Variants in ZNF479 observed in about 807,000 individuals in gnomAD.
The protein encoded by ZNF479 is zinc finger protein 479.
ZNF479 carries 15 observed loss-of-function variants against 14.7 expected under a neutral mutation model. That is an observed-to-expected ratio of 1.02 (90% CI 0.68 to 1.57). ZNF479 has a LOEUF of 1.57. Ranked by LOEUF, ZNF479 falls within the 40% of genes most tolerant of loss-of-function variation. The pLI is 0.00. For missense variants in ZNF479, 506 were observed against 615.1 expected, an observed-to-expected ratio of 0.82 and a Z score of 1.88; for synonymous variants, 145 against 211.5, an observed-to-expected ratio of 0.69 and a Z score of 2.73.
rs562260998 is a variant in ZNF479 at position 57,118,183 on chromosome 7, A to G, written c.*1657T>C. On this transcript the variant is annotated 3_prime_UTR_variant, in exon 4 of 4. Coordinates refer to ENST00000319636, the MANE Select transcript of ZNF479 (RefSeq NM_001370129.2). ...CTTTCTCTCCAATATAAATTCTCTAATGTTCAACAAAGTTTGAGCATCTTC... is the reference window on the plus strand; with the variant it reads ...CTTTCTCTCCAATATAAATTCTCTAGTGTTCAACAAAGTTTGAGCATCTTC... Among the ~76,000 whole-genome samples, 1 of 152,400 alleles carries G rather than the reference A, an allele frequency of 6.6e-6. No individual in the cohort carries two copies. The highest frequency in any genetic ancestry group is 2.4e-5 in the African/African-American group (1 of 41,600).
chr7:57,127,436 C>T (rs1039936110), intron 1 of ZNF479: 4 of 497,632 alleles, frequency 8.0e-6, no homozygotes, highest in Non-Finnish European at 1.0e-5. Context: ...TTAGTATGTG[C>T]AATAAACTAA....
At chr7:57,139,262 G>C (rs1786777929) in intron 1 of ZNF479, among the ~76,000 whole-genome samples, 1 of 152,114 alleles carries the variant, frequency 6.6e-6, no homozygotes, top group African/African-American at 2.4e-5. Flanking sequence ...GTCAAAGTTG[G>C]AATTATGACT....
chr7:57,123,695 T>C (rs1202314968), intron 3 of ZNF479, among the ~76,000 whole-genome samples: 5 of 151,950 alleles, frequency 3.3e-5, no homozygotes, highest in Admixed American at 2.6e-4. Flanking sequence ...TAGCTGAGCA[T>C]TGTGGGGTAT....
chr7:57,131,517 C>T (rs934761019), intron 1 of ZNF479, among the ~76,000 whole-genome samples: 2 of 148,990 alleles, frequency 1.3e-5, no homozygotes, highest in Non-Finnish European at 3.0e-5. Flanking sequence ...GAGGTGAGAT[C>T]GCACCACTGC....
chr7:57,126,867 T>C (rs1272523024), intron 1 of ZNF479, 149 bp from the exon 2 acceptor site: 1 of 670,126 alleles, frequency 1.5e-6, no homozygotes, highest in African/African-American at 1.8e-5. Context: ...TTCAATAAGA[T>C]AATTTTTAAC....
At chr7:57,127,755 CTA>C (rs1385854052) in intron 1 of ZNF479, among the ~76,000 whole-genome samples, 1 of 151,946 alleles carries the variant, frequency 6.6e-6, no homozygotes, top group Non-Finnish European at 1.5e-5. Flanking sequence ...AGAATTAACT[CTA>C]GAGTGGAAAA....
At chr7:57,132,199 A>G (rs3889851) in intron 1 of ZNF479, 87 bp downstream of exon 1, 547,968 of 1,610,890 alleles carry the variant, frequency 0.34, 95,821 homozygotes, top group East Asian at 0.51. Context: ...AACTGACTGC[A>G]AGAAAGTCTG....
chr7:57,121,374 G>A (rs1336142587), intron 3 of ZNF479, among the ~76,000 whole-genome samples: 1 of 152,180 alleles, frequency 6.6e-6, no homozygotes, highest in Non-Finnish European at 1.5e-5. Flanking sequence ...CACCATGTGA[G>A]CATGATGTCC....
At chr7:57,122,887 T>C (rs1401582630) in intron 3 of ZNF479, among the ~76,000 whole-genome samples, 1 of 151,668 alleles carries the variant, frequency 6.6e-6, no homozygotes, top group Non-Finnish European at 1.5e-5. Flanking sequence ...TCAAAACATA[T>C]AAAGCAAATA....
At chr7:57,138,628 G>T (rs1786750829) in intron 1 of ZNF479, among the ~76,000 whole-genome samples, 1 of 152,124 alleles carries the variant, frequency 6.6e-6, no homozygotes, top group Non-Finnish European at 1.5e-5. Flanking sequence ...GCTGGGCTTA[G>T]GCCAAAAAAT....
chr7:57,131,367 T>G (rs1224426356), intron 1 of ZNF479, among the ~76,000 whole-genome samples: 1 of 151,858 alleles, frequency 6.6e-6, no homozygotes, highest in African/African-American at 2.4e-5. Context: ...GTTGGAGACC[T>G]ACCTGGCCAA....
chr7:57,131,787 A>C lies in ZNF479; in HGVS notation c.39+499T>G, dbSNP rs368645234. Among the ~76,000 whole-genome samples the C allele has an allele frequency of 1.7e-4, 26 of 152,244 alleles. No homozygotes were observed. The South Asian group carries it at 5.2e-3, about 30-fold the overall frequency. ...TGCAACTTATAACAGACTTTTCTTC[A>C]AGTCTCTCCCATGGATCACAACCCA... On this transcript the variant is annotated intron_variant, in intron 1 of 3. Transcript: ENST00000319636.
chr7:57,126,157 C>T (rs776313168), intron 2 of ZNF479, 44 bp from the exon 3 acceptor site: 2 of 1,529,916 alleles, frequency 1.3e-6, no homozygotes, highest in Non-Finnish European at 1.8e-6. Flanking sequence ...ATGCTGAATT[C>T]TTTAATTACC....
chr7:57,129,282 T>C (rs545481049), intron 1 of ZNF479, among the ~76,000 whole-genome samples: 1 of 152,126 alleles, frequency 6.6e-6, no homozygotes, highest in Non-Finnish European at 1.5e-5. Flanking sequence ...CCCCTCAAGT[T>C]TATAAATCAC....
At position 57,119,683 on chromosome 7, in the gene ZNF479, T is replaced by C. The variant is rs1554399685; in HGVS notation, c.*157A>G. On this transcript the variant is annotated 3_prime_UTR_variant, in exon 4 of 4. Coordinates refer to ENST00000319636, the MANE Select transcript of ZNF479 (RefSeq NM_001370129.2). ...TGGTTAAAGGCTTTGTTACATTTTT[T>C]TACATTTATAAAATTTCTGTCCAAT... 3 of 739,260 alleles carry C rather than the reference T, an allele frequency of 4.1e-6. No homozygotes were observed. The highest frequency in any genetic ancestry group is 1.8e-5 in the African/African-American group (1 of 56,062). 45.8% of individuals were successfully genotyped at this position (739,260 alleles called of 1,614,324 possible).
At position 57,131,631 on chromosome 7, in the gene ZNF479, T is replaced by TC. The variant is rs1240036315; in HGVS notation, c.39+654_39+655insG. 3.3e-4 allele frequency among the ~76,000 whole-genome samples: 44 copies of TC among 134,322 alleles called. 1 individual carries two copies. Among genetic ancestry groups the TC allele is most frequent in the African/African-American group, 1.0e-3 (40 of 38,794 alleles). The allele number at this position is 134,322 out of a possible 152,430, so 88.1% of individuals were successfully genotyped here. On this transcript the variant is annotated intron_variant, in intron 1 of 3. Coordinates refer to ENST00000319636, the MANE Select transcript of ZNF479 (RefSeq NM_001370129.2). ...GTAAATTACTATCTTGAAGAAAATA[T>TC]TTGGCCTAGGCAACCACAGACTGCC...
At position 57,118,913 on chromosome 7, in the gene ZNF479, T is replaced by C. The variant is rs1554399475; in HGVS notation, c.*927A>G. Among the ~76,000 whole-genome samples, 3 of 152,224 alleles carry C rather than the reference T, an allele frequency of 2.0e-5. No individual in the cohort carries two copies. Among genetic ancestry groups the C allele is most frequent in the African/African-American group, 7.2e-5 (3 of 41,474 alleles). On this transcript the variant is annotated 3_prime_UTR_variant, in exon 4 of 4. Coordinates refer to ENST00000319636, the MANE Select transcript of ZNF479 (RefSeq NM_001370129.2). The stretch of plus-strand genomic sequence containing the variant: ...TAAAGTCCTTGCCACATTTAACACA[T>C]TTCTAGAGTTTCTCACCAGTATGAT...
At chr7:57,124,110 T>C (rs1206648665) in intron 3 of ZNF479, among the ~76,000 whole-genome samples, 1 of 152,134 alleles carries the variant, frequency 6.6e-6, no homozygotes, top group East Asian at 1.9e-4. Context: ...ATTCCAAAAG[T>C]ATATTTATTC....
chr7:57,120,237 G>A lies in ZNF479; in HGVS notation c.1178C>T (p.Ser393Phe). 1.2e-6 allele frequency: 2 copies of A among 1,611,788 alleles called. No individual in the cohort carries two copies. The highest frequency in any genetic ancestry group is 2.2e-5 in the South Asian group (2 of 90,922). ...TCTCTTGTGGATAGTAAGTGCTGAGGAGCGCCTAAAGTCTTGGCCACATTC... is the reference window on the plus strand; with the variant it reads ...TCTCTTGTGGATAGTAAGTGCTGAGAAGCGCCTAAAGTCTTGGCCACATTC... ...CEECGQDFRR[S>F]SALTIHKRIH... The change falls in exon 4 of 4, where the codon TCC becomes TTC. Residue 393 changes from serine to phenylalanine, a missense_variant. Transcript: ENST00000319636.
Sources: allele counts gnomAD v4.1 joint callset (sites outside exome capture counted in the v4.1 genomes callset), GRCh38; gene constraint gnomAD v4.1.1; transcripts MANE v1.5; gene names NCBI Gene and HGNC (gene_info 2026-07-23, HGNC 2026-07-21).